SNTG2: variants seen among roughly 807,000 people sequenced by gnomAD.
The protein encoded by SNTG2 is gamma-2-syntrophin.
In SNTG2, 74 loss-of-function variants were observed where a neutral mutation model predicts 70.9. That is an observed-to-expected ratio of 1.04 (90% CI 0.86 to 1.27). The LOEUF is 1.27. SNTG2 is among the 50% of genes most tolerant of loss of function. The probability of loss-of-function intolerance (pLI) is 0.00; values close to 1 mark genes in which losing one functional copy is unlikely to be tolerated. For synonymous variants in SNTG2, 278 were observed against 273.8 expected, an observed-to-expected ratio of 1.02 and a Z score of -0.15; for missense variants, 717 against 690.7, an observed-to-expected ratio of 1.04 and a Z score of -0.43.
chr2:1,100,181 C>T (rs933408714), intron 4 of SNTG2, among the ~76,000 whole-genome samples: 1 of 151,926 alleles, frequency 6.6e-6, no homozygotes, highest in African/African-American at 2.4e-5. Flanking sequence ...CTTCCCCCAC[C>T]CCACTGACAG....
intron 1 of SNTG2, among the ~76,000 whole-genome samples, chr2:1,032,431 A>C (rs1660892152): frequency 6.6e-6 from 1 of 152,232 alleles, no homozygotes; most frequent in Non-Finnish European, 1.5e-5. Context: ...TAAATGAATA[A>C]GCCCAAATTT....
intron 4 of SNTG2, 39 bp from the exon 5 acceptor site, chr2:1,137,583 A>G (rs1301048560): frequency 8.1e-6 from 13 of 1,605,310 alleles, no homozygotes; most frequent in Non-Finnish European, 1.0e-5. Flanking sequence ...TGTCACTGAG[A>G]TTTCTCTTAA....
intron 14 of SNTG2, among the ~76,000 whole-genome samples, chr2:1,271,358 C>G (rs1679009314): frequency 6.6e-6 from 1 of 151,974 alleles, no homozygotes; most frequent in Non-Finnish European, 1.5e-5. Flanking sequence ...ATTTACAAGA[C>G]TTTTGTACAT....
intron 1 of SNTG2, among the ~76,000 whole-genome samples, chr2:1,067,399 G>A (rs1188642766): frequency 3.9e-5 from 6 of 152,176 alleles, no homozygotes; most frequent in Admixed American, 2.6e-4. Flanking sequence ...ATTTGGGAGA[G>A]CTGATTTTCA....
At chr2:1,142,106 C>A (rs1175725213) in intron 6 of SNTG2, among the ~76,000 whole-genome samples, 3 of 152,330 alleles carry the variant, frequency 2.0e-5, no homozygotes, top group Non-Finnish European at 4.4e-5. Context: ...CTGACTCTCT[C>A]CCTGAAATTG....
chr2:1,047,071 T>C (rs1661781211), intron 1 of SNTG2, among the ~76,000 whole-genome samples: 1 of 152,214 alleles, frequency 6.6e-6, no homozygotes, highest in Non-Finnish European at 1.5e-5. Flanking sequence ...TTTATTCTGG[T>C]CTAACTGTGT....
chr2:1,261,480 G>A (rs968234397), intron 13 of SNTG2, among the ~76,000 whole-genome samples: 4 of 152,156 alleles, frequency 2.6e-5, no homozygotes, highest in South Asian at 2.1e-4. Context: ...AAAATTATGT[G>A]TTCTGTATTT....
At chr2:1,127,843 T>C (rs1435888812) in intron 4 of SNTG2, among the ~76,000 whole-genome samples, 1 of 152,196 alleles carries the variant, frequency 6.6e-6, no homozygotes, top group East Asian at 1.9e-4. Flanking sequence ...TTATCAGTGC[T>C]AAGAGTTTTT....
At chr2:1,102,388 G>A (rs539630787) in intron 4 of SNTG2, among the ~76,000 whole-genome samples, 2 of 152,134 alleles carry the variant, frequency 1.3e-5, no homozygotes, top group Admixed American at 6.5e-5. Context: ...AGGGGCTGCC[G>A]TGCCCTGCCC....
intron 1 of SNTG2, among the ~76,000 whole-genome samples, chr2:993,199 A>T (rs1391074242): frequency 6.8e-6 from 1 of 148,066 alleles, no homozygotes; most frequent in Non-Finnish European, 1.5e-5. Flanking sequence ...AGCATTAGGT[A>T]TATCTCCCAA....
At chr2:1,330,681 A>G (rs1040662731) in intron 16 of SNTG2, among the ~76,000 whole-genome samples, 1 of 152,222 alleles carries the variant, frequency 6.6e-6, no homozygotes, top group Non-Finnish European at 1.5e-5. Context: ...GCATGCAAAC[A>G]TATTAATTTA....
Position 1,267,474 on chromosome 2 carries a change from G to C in SNTG2, c.1187G>C (p.Gly396Ala). 6.2e-7 allele frequency: 1 copy of C among 1,613,882 alleles called. No individual in the cohort carries two copies. Residue 396 changes from glycine to alanine, a missense_variant, in exon 14 of 17, where the codon GGG becomes GCG. Physicochemically the swap from Gly to Ala is moderately conservative, Grantham distance 60. Transcript: ENST00000308624. ...PYCFSIVAGH[G>A]KSHVFNVELG... ...TGCTTCAGCATCGTGGCCGGCCATGGGAAGAGCCATGTTTTCAACGTGGAG... is the reference window on the plus strand; with the variant it reads ...TGCTTCAGCATCGTGGCCGGCCATGCGAAGAGCCATGTTTTCAACGTGGAG...
In SNTG2 at chr2:1,356,968, G is replaced by A. The variant is rs190412831; in HGVS notation, c.1489-10375G>A. Among the ~76,000 whole-genome samples, 153 of 151,434 alleles carry A rather than the reference G, an allele frequency of 1.0e-3. 1 individual carries two copies. Among genetic ancestry groups the A allele is most frequent in the African/African-American group, 3.5e-3 (146 of 41,302 alleles). On this transcript the variant is annotated intron_variant, in intron 16 of 16. Transcript: ENST00000308624. ...TTTTTCTTAATGTCTATTTTGGATCGTCTGTTGTTAGTGCGTAGAAATGCA... is the reference window on the plus strand; with the variant it reads ...TTTTTCTTAATGTCTATTTTGGATCATCTGTTGTTAGTGCGTAGAAATGCA...
chr2:1,088,973 G>A (rs1403841203), intron 2 of SNTG2, among the ~76,000 whole-genome samples: 2 of 152,218 alleles, frequency 1.3e-5, no homozygotes, highest in African/African-American at 4.8e-5. Context: ...GACACAAAGT[G>A]CTGGGAAAAG....
chr2:1,083,310 C>T (rs573288067), intron 1 of SNTG2, among the ~76,000 whole-genome samples: 11 of 150,466 alleles, frequency 7.3e-5, no homozygotes, highest in African/African-American at 2.2e-4. Flanking sequence ...ATAAATCCTA[C>T]AAAAACGGCT....
chr2:1,176,724 C>A (rs756548717), intron 8 of SNTG2, among the ~76,000 whole-genome samples: 15 of 151,830 alleles, frequency 9.9e-5, no homozygotes, highest in South Asian at 4.2e-4. Context: ...ATGTGGCCAA[C>A]AAGCAGATGA....
intron 9 of SNTG2, among the ~76,000 whole-genome samples, chr2:1,231,872 C>A (rs908946995): frequency 6.6e-6 from 1 of 152,140 alleles, no homozygotes; most frequent in Non-Finnish European, 1.5e-5. Context: ...TAGTGCTGGC[C>A]GTGGTGGAAT....
chr2:980,541 GGTTT>G (rs1415500619), intron 1 of SNTG2, among the ~76,000 whole-genome samples: 8 of 151,994 alleles, frequency 5.3e-5, no homozygotes, highest in Non-Finnish European at 1.2e-4. Flanking sequence ...GTGAACTTTT[GGTTT>G]ATCACTTATT....
Position 1,002,077 on chromosome 2 carries a change from T to G in SNTG2, c.72+51009T>G, listed in dbSNP as rs146236205. 2.6e-3 allele frequency among the ~76,000 whole-genome samples: 389 copies of G among 152,260 alleles called. 1 individual carries two copies. The highest frequency in any genetic ancestry group is 9.1e-3 in the African/African-American group (377 of 41,568). On this transcript the variant is annotated intron_variant, in intron 1 of 16. Coordinates refer to ENST00000308624, the MANE Select transcript of SNTG2 (RefSeq NM_018968.4). ...ATAGCCATATGCAGAAGAATTCAGC[T>G]GGATCCATAGCTCTCACCATATACG...
Sources: gnomAD v4.1 joint callset for allele counts (sites outside exome capture counted in the v4.1 genomes callset) on GRCh38, gnomAD v4.1.1 for gene constraint, MANE v1.5 for transcripts, NCBI Gene and HGNC (gene_info 2026-07-23, HGNC 2026-07-21) for gene names.